PCDH15: variants seen among roughly 807,000 people sequenced by gnomAD.
PCDH15 encodes the protein protocadherin-15.
PCDH15 carries 129 observed loss-of-function variants against 178.5 expected under a neutral mutation model. The observed-to-expected ratio is 0.72, with a 90% CI of 0.63 to 0.84. The LOEUF (loss-of-function observed/expected upper bound fraction) is 0.84, where lower values mean the gene tolerates loss of function less well. PCDH15 is among the 40% of genes least tolerant of loss of function. The pLI is 0.00. For synonymous variants in PCDH15, 800 were observed against 732.0 expected, an observed-to-expected ratio of 1.09 and a Z score of -1.50; for missense variants, 2,230 against 2,099.9, an observed-to-expected ratio of 1.06 and a Z score of -1.21.
At chr10:54,638,777 A>T (rs2093921495) in intron 2 of PCDH15, among the ~76,000 whole-genome samples, 1 of 152,162 alleles carries the variant, frequency 6.6e-6, no homozygotes, top group Non-Finnish European at 1.5e-5. Flanking sequence ...AAAGATATGG[A>T]ATCAATCTAA....
intron 2 of PCDH15, among the ~76,000 whole-genome samples, chr10:54,937,935 A>G (rs1424978002): frequency 1.3e-5 from 2 of 152,058 alleles, no homozygotes; most frequent in Non-Finnish European, 2.9e-5. Flanking sequence ...TCTTAGGGGA[A>G]AACATTTAGT....
chr10:54,940,837 T>C (rs962472), intron 2 of PCDH15, among the ~76,000 whole-genome samples: 62,777 of 151,814 alleles, frequency 0.41, 14,324 homozygotes, highest in Middle Eastern at 0.53. Flanking sequence ...TTATTACTAA[T>C]ATGGTTCCTC....
chr10:55,345,763 T>A (rs1844736742), intron 2 of PCDH15, among the ~76,000 whole-genome samples: 1 of 149,594 alleles, frequency 6.7e-6, no homozygotes. Flanking sequence ...ATTTGTAATA[T>A]TCTTATACAC....
At chr10:55,370,103 C>T (rs1845466761) in intron 2 of PCDH15, among the ~76,000 whole-genome samples, 1 of 152,032 alleles carries the variant, frequency 6.6e-6, no homozygotes, top group Admixed American at 6.6e-5. Flanking sequence ...AACCAAAGAA[C>T]CTCAAAAATC....
intron 3 of PCDH15, among the ~76,000 whole-genome samples, chr10:54,881,587 G>T (rs1292188925): frequency 2.6e-5 from 4 of 152,018 alleles, no homozygotes; most frequent in Non-Finnish European, 2.9e-5. Flanking sequence ...CTGATGCAAA[G>T]ACTTCAAAGT....
At chr10:54,110,742 G>A (rs2095005550) in intron 15 of PCDH15, among the ~76,000 whole-genome samples, 1 of 152,136 alleles carries the variant, frequency 6.6e-6, no homozygotes, top group Non-Finnish European at 1.5e-5. Context: ...ATGTGTGGGT[G>A]AGACAAGTGT....
At chr10:55,239,278 T>C (rs1233612956) in intron 1 of PCDH15, among the ~76,000 whole-genome samples, 4 of 152,148 alleles carry the variant, frequency 2.6e-5, no homozygotes, top group African/African-American at 9.7e-5. Flanking sequence ...GATGGACCCA[T>C]AGACTGATTT....
chr10:54,487,785 T>C (rs2079222277), intron 3 of PCDH15, among the ~76,000 whole-genome samples: 1 of 152,018 alleles, frequency 6.6e-6, no homozygotes, highest in South Asian at 2.1e-4. Context: ...GCTATAAATA[T>C]AAGTAAATAA....
At chr10:55,351,365 G>T (rs1031383909) in intron 2 of PCDH15, among the ~76,000 whole-genome samples, 1 of 151,880 alleles carries the variant, frequency 6.6e-6, no homozygotes, top group Non-Finnish European at 1.5e-5. Flanking sequence ...ACTGTATTCA[G>T]TACTAAATTG....
intron 2 of PCDH15, among the ~76,000 whole-genome samples, chr10:55,155,626 T>C (rs1838863604): frequency 6.6e-6 from 1 of 152,066 alleles, no homozygotes; most frequent in African/African-American, 2.4e-5. Flanking sequence ...CTTTAAAAGT[T>C]GTGTTTGTAA....
chr10:54,145,646 T>C (rs4998401), intron 14 of PCDH15, among the ~76,000 whole-genome samples: 96,928 of 151,862 alleles, frequency 0.64, 32,414 homozygotes, highest in East Asian at 0.9. Flanking sequence ...AGAACATTAA[T>C]AGACAGAGGA....
At chr10:54,922,725 A>C (rs1598173) in intron 2 of PCDH15, among the ~76,000 whole-genome samples, 20,563 of 152,112 alleles carry the variant, frequency 0.14, 1,578 homozygotes, top group East Asian at 0.23. Context: ...CCAGGCCACA[A>C]TGATGTAAGG....
chr10:55,622,068 T>C (rs1352517595), intron 2 of PCDH15, among the ~76,000 whole-genome samples: 1 of 134,188 alleles, frequency 7.5e-6, no homozygotes, highest in Non-Finnish European at 1.6e-5. Flanking sequence ...ATATAATGTA[T>C]ATATAATATA....
intron 2 of PCDH15, among the ~76,000 whole-genome samples, chr10:55,045,131 T>C (rs1471268538): frequency 6.6e-6 from 1 of 152,100 alleles, no homozygotes; most frequent in East Asian, 1.9e-4. Context: ...CTTACTAAAC[T>C]CTCTGATAAA....
intron 27 of PCDH15, among the ~76,000 whole-genome samples, chr10:53,860,546 C>T (rs1279132858): frequency 2.6e-5 from 4 of 151,988 alleles, no homozygotes; most frequent in Non-Finnish European, 5.9e-5. Context: ...GCCTGGCCAA[C>T]ATGGTGAAAC....
intron 3 of PCDH15, among the ~76,000 whole-genome samples, chr10:54,468,393 T>C (rs538760770): frequency 4.6e-5 from 7 of 152,212 alleles, no homozygotes; most frequent in Admixed American, 3.9e-4. Context: ...ATTTTTTGAT[T>C]CCTCTCTTAA....
rs563181260 is a variant in PCDH15 at position 53,938,752 on chromosome 10, C to T, written c.3373+63G>A. 1.5e-4 allele frequency: 234 copies of T among 1,527,982 alleles called. No homozygotes were observed. The Middle Eastern group carries it at 1.7e-3, about 11-fold the overall frequency. The allele number at this position is 1,527,982 out of a possible 1,614,324, so 94.7% of individuals were successfully genotyped here. On this transcript the variant is annotated intron_variant, in intron 25 of 37. Coordinates refer to ENST00000644397, the MANE Select transcript of PCDH15 (RefSeq NM_001384140.1). ...AATGATATTTTAGACATAGGTATTT[C>T]ATTTAAAAAATTAGCAGAGACACCA... is the stretch of plus-strand genomic sequence containing the variant.
intron 2 of PCDH15, among the ~76,000 whole-genome samples, chr10:55,336,006 C>G (rs11004813): frequency 6.6e-6 from 1 of 151,568 alleles, no homozygotes; most frequent in Non-Finnish European, 1.5e-5. Context: ...GTTTCTCAAT[C>G]TCAGAACTAT....
rs533097286 is a variant in PCDH15, at chr10:54,544,570, A to G, written c.92-16693T>C. Among the ~76,000 whole-genome samples, 466 of 152,264 alleles carry G rather than the reference A, an allele frequency of 3.1e-3. 2 individuals are homozygous for G. Among genetic ancestry groups the G allele is most frequent in the African/African-American group, 0.011 (457 of 41,566 alleles). On this transcript the variant is annotated intron_variant, in intron 2 of 37. Transcript: ENST00000644397. ...GAGGCCTTCCCAAGGGTGGTACTCC[A>G]TATTTAATTTAATTGTGTTTGCATA...
Sources: allele counts gnomAD v4.1 joint callset (sites outside exome capture counted in the v4.1 genomes callset), GRCh38; gene constraint gnomAD v4.1.1; transcripts MANE v1.5; gene names NCBI Gene and HGNC (gene_info 2026-07-23, HGNC 2026-07-21).